EPB41L4A: variants seen among roughly 807,000 people sequenced by gnomAD.
The protein encoded by EPB41L4A is erythrocyte membrane protein band 4.1 like 4A.
A neutral mutation model predicts 108.6 loss-of-function variants in EPB41L4A; 100 were observed. The observed-to-expected ratio is 0.92, with a 90% CI of 0.78 to 1.09. The LOEUF is 1.09. EPB41L4A is among the 50% of genes least tolerant of loss of function. EPB41L4A has a pLI of 0.00. For synonymous variants in EPB41L4A, 319 were observed against 289.0 expected (o/e 1.10, Z -1.05); for missense variants, 1,030 against 842.7 (o/e 1.22, Z -2.75).
chr5:112,344,696 G>T lies in EPB41L4A; in HGVS notation c.100-37206C>A, dbSNP rs370804576. On this transcript the variant is annotated intron_variant, in intron 1 of 22. Coordinates refer to ENST00000261486, the MANE Select transcript of EPB41L4A (RefSeq NM_022140.5). ...GGGAGAAGAAATTCTGCCTGTGTCCGCAGCTCAACTCCTGTCCAGGAGTCC... is the reference window on the plus strand; with the variant it reads ...GGGAGAAGAAATTCTGCCTGTGTCCTCAGCTCAACTCCTGTCCAGGAGTCC... 5.3e-4 allele frequency among the ~76,000 whole-genome samples: 80 copies of T among 152,326 alleles called. No individual in the cohort carries two copies. The South Asian group carries it at 7.5e-3, about 14-fold the overall frequency.
chr5:112,231,504 G>A (rs1748921122), intron 12 of EPB41L4A, among the ~76,000 whole-genome samples: 3 of 152,016 alleles, frequency 2.0e-5, no homozygotes, highest in African/African-American at 4.8e-5. Flanking sequence ...AGATCCACCT[G>A]GCCGGGCGCG....
At chr5:112,387,760 T>C (rs1263063704) in intron 1 of EPB41L4A, among the ~76,000 whole-genome samples, 1 of 152,230 alleles carries the variant, frequency 6.6e-6, no homozygotes, top group Non-Finnish European at 1.5e-5. Context: ...CAAATATACA[T>C]TATCTGTAAA....
At chr5:112,344,858 G>A (rs565969164) in intron 1 of EPB41L4A, among the ~76,000 whole-genome samples, 2 of 152,184 alleles carry the variant, frequency 1.3e-5, no homozygotes, top group South Asian at 2.1e-4. Context: ...GAAGTAGACT[G>A]TACAGTACAG....
intron 1 of EPB41L4A, among the ~76,000 whole-genome samples, chr5:112,310,517 C>T (rs1036782241): frequency 6.3e-4 from 96 of 152,168 alleles, no homozygotes; most frequent in African/African-American, 2.2e-3. Context: ...TTGTGTATGG[C>T]CCGAACGCAT....
intron 1 of EPB41L4A, among the ~76,000 whole-genome samples, chr5:112,348,734 G>T (rs543952852): frequency 1.3e-5 from 2 of 152,308 alleles, no homozygotes; most frequent in Non-Finnish European, 2.9e-5. Context: ...GATTCCATAT[G>T]TCCACTCAGA....
At chr5:112,314,880 G>A (rs1755331936) in intron 1 of EPB41L4A, among the ~76,000 whole-genome samples, 1 of 152,092 alleles carries the variant, frequency 6.6e-6, no homozygotes, top group Admixed American at 6.5e-5. Context: ...TGCCAAAATG[G>A]GGAATTCACA....
chr5:112,400,189 G>T (rs1561644660), intron 1 of EPB41L4A, among the ~76,000 whole-genome samples: 2 of 152,048 alleles, frequency 1.3e-5, no homozygotes, highest in African/African-American at 4.8e-5. Context: ...AAAGAGAGAG[G>T]GGGGTGAAGA....
intron 1 of EPB41L4A, among the ~76,000 whole-genome samples, chr5:112,361,703 TAA>T (rs200811023): frequency 8.8e-4 from 123 of 140,142 alleles, no homozygotes; most frequent in African/African-American, 3.1e-3. Flanking sequence ...CCAAAAATGC[TAA>T]AAAAAAATAA....
intron 22 of EPB41L4A, among the ~76,000 whole-genome samples, chr5:112,166,224 G>A (rs1410201975): frequency 6.6e-6 from 1 of 152,262 alleles, no homozygotes; most frequent in Non-Finnish European, 1.5e-5. Flanking sequence ...CAGAACTCTG[G>A]TGGCATTGTG....
At chr5:112,294,297 G>C (rs1753853251) in intron 2 of EPB41L4A, among the ~76,000 whole-genome samples, 2 of 152,164 alleles carry the variant, frequency 1.3e-5, no homozygotes, top group Admixed American at 1.3e-4. Context: ...GGAAGGGGAG[G>C]TGTGGGAATG....
chr5:112,311,968 G>A lies in EPB41L4A; in HGVS notation c.100-4478C>T, dbSNP rs140847847. ...CAAACAGGTAAACAAGAAGTGGTTC[G>A]TGAACAAAGAGGAAACAATTATGCC... On this transcript the variant is annotated intron_variant, in intron 1 of 22. Coordinates refer to ENST00000261486, the MANE Select transcript of EPB41L4A (RefSeq NM_022140.5). Among the ~76,000 whole-genome samples the A allele has an allele frequency of 1.9e-4, 29 of 152,288 alleles. No homozygotes were observed. In the East Asian group the frequency reaches 5.0e-3, roughly 26 times the overall value.
intron 2 of EPB41L4A, among the ~76,000 whole-genome samples, chr5:112,295,622 G>A (rs904567576): frequency 6.6e-6 from 1 of 152,152 alleles, no homozygotes. Context: ...AGCATAGGAA[G>A]ACTTTAAAAT....
In EPB41L4A at chr5:112,405,082, C is replaced by A. The variant is rs181991325; in HGVS notation, c.99+13859G>T. Among the ~76,000 whole-genome samples, 41 of 152,330 alleles carry A rather than the reference C, an allele frequency of 2.7e-4. 1 individual carries two copies. In the East Asian group the frequency reaches 6.6e-3, roughly 24 times the overall value. On this transcript the variant is annotated intron_variant, in intron 1 of 22. Coordinates refer to ENST00000261486, the MANE Select transcript of EPB41L4A (RefSeq NM_022140.5). ...TCACACGAGTGGTGTGACCAAAAAA[C>A]TACAGCAGAAATGACAGGATGTTAT... is the stretch of plus-strand genomic sequence containing the variant.
chr5:112,307,821 T>C (rs757003828), intron 1 of EPB41L4A, among the ~76,000 whole-genome samples: 38 of 152,218 alleles, frequency 2.5e-4, no homozygotes, highest in Non-Finnish European at 4.7e-4. Flanking sequence ...ATCTAATAAA[T>C]GCATCAAAAA....
downstream of EPB41L4A, chr5:112,161,795 A>T (rs1170734883): frequency 6.2e-6 from 2 of 323,604 alleles, no homozygotes; most frequent in Non-Finnish European, 1.2e-5. Context: ...TATGTCTTAA[A>T]GCACTTTGTA....
intron 4 of EPB41L4A, among the ~76,000 whole-genome samples, chr5:112,272,138 A>ATTTTTTTTT (rs61119854): frequency 7.3e-6 from 1 of 136,536 alleles, no homozygotes; most frequent in Non-Finnish European, 1.5e-5. Context: ...CATTATTTGT[A>ATTTTTTTTT]TTTTTTTTTT....
At chr5:112,310,984 T>TA (rs1302383865) in intron 1 of EPB41L4A, among the ~76,000 whole-genome samples, 2 of 152,128 alleles carry the variant, frequency 1.3e-5, no homozygotes, top group Non-Finnish European at 2.9e-5. Context: ...GCAGTAGAAA[T>TA]GACTGATTCC....
chr5:112,340,939 T>C (rs1393786489), intron 1 of EPB41L4A, among the ~76,000 whole-genome samples: 2 of 152,142 alleles, frequency 1.3e-5, no homozygotes, highest in Non-Finnish European at 2.9e-5. Flanking sequence ...GATTTTTCTT[T>C]CCCTCTATCA....
At chr5:112,329,394 T>C (rs1180067380) in intron 1 of EPB41L4A, among the ~76,000 whole-genome samples, 1 of 152,202 alleles carries the variant, frequency 6.6e-6, no homozygotes, top group Non-Finnish European at 1.5e-5. Context: ...CTGCCTGAGT[T>C]GGAGAAAGGA....
Sources: gnomAD v4.1 joint callset for allele counts (sites outside exome capture counted in the v4.1 genomes callset) on GRCh38, gnomAD v4.1.1 for gene constraint, MANE v1.5 for transcripts, NCBI Gene and HGNC (gene_info 2026-07-23, HGNC 2026-07-21) for gene names.